The following KIF13B variants were observed in gnomAD, a reference collection of about 807,000 sequenced individuals.
KIF13B encodes the protein kinesin family member 13B, also known as kinesin-like protein KIF13B.
KIF13B carries 127 observed loss-of-function variants against 222.0 expected under a neutral mutation model. That is an observed-to-expected ratio of 0.57 (90% CI 0.50 to 0.66). The LOEUF is 0.66. KIF13B is among the 30% of genes least tolerant of loss of function. The pLI, the probability that KIF13B is intolerant of heterozygous loss-of-function variation, is 0.00. For missense variants in KIF13B, 2,173 were observed against 2,379.0 expected, an observed-to-expected ratio of 0.91 and a Z score of 1.80; for synonymous variants, 976 against 919.0, an observed-to-expected ratio of 1.06 and a Z score of -1.12.
chr8:29,250,735 A>G (rs560031212), intron 1 of KIF13B, among the ~76,000 whole-genome samples: 3 of 152,358 alleles, frequency 2.0e-5, no homozygotes, highest in South Asian at 2.1e-4. Flanking sequence ...TCTAGGACAC[A>G]TGCCCAATCA....
At chr8:29,150,433 T>C (rs1563742998) in intron 14 of KIF13B, 50 bp from the exon 15 acceptor site, 4 of 874,286 alleles carry the variant, frequency 4.6e-6, no homozygotes, top group Non-Finnish European at 7.4e-6. Flanking sequence ...TATCATGTCT[T>C]CTGCTTTAAT....
At chr8:29,114,705 C>T (rs1053740822) in intron 31 of KIF13B, among the ~76,000 whole-genome samples, 4 of 152,124 alleles carry the variant, frequency 2.6e-5, no homozygotes, top group African/African-American at 4.8e-5. Context: ...CTTAAAAATA[C>T]TTCCACATCA....
chr8:29,071,785 GTCCCCC>G lies in KIF13B; in HGVS notation c.5047_5052del (p.Gly1683_Gly1684del). 1.3e-6 allele frequency: 2 copies of G among 1,547,900 alleles called. No individual in the cohort carries two copies. The highest frequency in any genetic ancestry group is 1.7e-6 in the Non-Finnish European group (2 of 1,146,430). On this transcript the variant is annotated inframe_deletion, in exon 39 of 40. Transcript: ENST00000524189. This position sits in a 1 kb window ranked among gnomAD's most constrained non-coding sequence, Gnocchi z 4.9. ...TCCTCGGAATCAGAGGCCAGGGCCT[GTCCCCC>G]GGCGCCCGGGGCCGGCGCATTCCCC...
At chr8:29,123,294 G>C in intron 28 of KIF13B, 72 bp downstream of exon 28, 2 of 1,563,044 alleles carry the variant, frequency 1.3e-6, no homozygotes, top group East Asian at 2.3e-5. Context: ...CGTAGCACAC[G>C]CAAAATTCAA....
At chr8:29,075,004 T>C (rs944382096) in intron 38 of KIF13B, among the ~76,000 whole-genome samples, 10 of 152,208 alleles carry the variant, frequency 6.6e-5, no homozygotes, top group African/African-American at 2.2e-4. Flanking sequence ...TTGTTCTGTT[T>C]ATAGAAATCT....
intron 1 of KIF13B, among the ~76,000 whole-genome samples, chr8:29,251,647 G>A (rs1027384857): frequency 3.9e-5 from 6 of 152,168 alleles, no homozygotes; most frequent in African/African-American, 1.4e-4. Context: ...AATGGAGATG[G>A]AGTTTCAGTT....
At chr8:29,217,384 C>T (rs897562686) in intron 2 of KIF13B, among the ~76,000 whole-genome samples, 1 of 152,204 alleles carries the variant, frequency 6.6e-6, no homozygotes, top group Non-Finnish European at 1.5e-5. Context: ...GAATCCCAGC[C>T]CCACCACTTA....
At chr8:29,136,380 A>G (rs1372322738) in intron 21 of KIF13B, among the ~76,000 whole-genome samples, 1 of 152,186 alleles carries the variant, frequency 6.6e-6, no homozygotes, top group Non-Finnish European at 1.5e-5. Context: ...GCAGTTCAAG[A>G]CCAGCCTGAC....
At chr8:29,096,709 T>C (rs1808548582) in intron 36 of KIF13B, among the ~76,000 whole-genome samples, 1 of 152,112 alleles carries the variant, frequency 6.6e-6, no homozygotes, top group Non-Finnish European at 1.5e-5. Context: ...TGACTTACAC[T>C]GTTGCATGGT....
intron 1 of KIF13B, among the ~76,000 whole-genome samples, chr8:29,262,089 C>T (rs1816699431): frequency 6.6e-6 from 1 of 152,124 alleles, no homozygotes; most frequent in African/African-American, 2.4e-5. Context: ...GTATATAAAG[C>T]GTTTTCAAAC....
intron 10 of KIF13B, among the ~76,000 whole-genome samples, chr8:29,170,233 T>A (rs976793537): frequency 5.3e-5 from 8 of 152,258 alleles, no homozygotes; most frequent in African/African-American, 1.9e-4. Flanking sequence ...AATTTACTTT[T>A]GGAAGTCAGA....
At chr8:29,130,732 T>C (rs954412773) in intron 23 of KIF13B, 67 bp from the exon 24 acceptor site, 3 of 1,430,032 alleles carry the variant, frequency 2.1e-6, no homozygotes, top group African/African-American at 1.4e-5. Flanking sequence ...CTTAGGGTCC[T>C]ACACACATAA....
At chr8:29,249,658 G>A (rs879295407) in intron 1 of KIF13B, among the ~76,000 whole-genome samples, 3 of 151,962 alleles carry the variant, frequency 2.0e-5, no homozygotes, top group Non-Finnish European at 4.4e-5. Flanking sequence ...TCCCTGTGCT[G>A]GCCAAAACTT....
chr8:29,191,018 A>G lies in KIF13B; in HGVS notation c.202T>C (p.Ser68Pro), dbSNP rs376813155. The G allele has an allele frequency of 1.2e-6, 2 of 1,613,128 alleles. No homozygotes were observed. The highest frequency in any genetic ancestry group is 1.7e-6 in the Non-Finnish European group (2 of 1,179,406). Residue 68 changes from serine to proline, a missense_variant, in exon 4 of 40, where the codon TCT becomes CCT. Physicochemically the swap from Ser to Pro is moderately conservative, Grantham distance 74 (BLOSUM62 -1). Around this residue, in one of 2 missense-constraint regions of KIF13B, gnomAD observed 1,480 missense variants for 1,722.8 expected, o/e 0.86. Transcript: ENST00000524189. ...TTACCTGCATACTTTTCTTTGACAG[A>G]TTCATCCATAGACCAGAAACAATGA... Reference protein sequence around the residue: ...YDHCFWSMDESVKEKYAGQDI... With the variant: ...YDHCFWSMDEPVKEKYAGQDI...
intron 2 of KIF13B, among the ~76,000 whole-genome samples, chr8:29,212,841 A>G (rs766133027): frequency 6.7e-6 from 1 of 149,468 alleles, no homozygotes; most frequent in Non-Finnish European, 1.5e-5. Flanking sequence ...CATACTAGAT[A>G]ACACACGTAC....
At chr8:29,193,218 T>C (rs1184178927) in intron 3 of KIF13B, among the ~76,000 whole-genome samples, 2 of 152,180 alleles carry the variant, frequency 1.3e-5, no homozygotes, top group Non-Finnish European at 2.9e-5. Flanking sequence ...GAAGACATCA[T>C]CCAGCTGCAG....
Position 29,140,131 on chromosome 8 carries a change from C to T in KIF13B, c.2545G>A (p.Ala849Thr), listed in dbSNP as rs754537721. Residue 849 changes from alanine to threonine, a missense_variant, in exon 21 of 40, where the codon GCA becomes ACA. Around this residue, in one of 2 missense-constraint regions of KIF13B, gnomAD observed 1,480 missense variants for 1,722.8 expected, o/e 0.86. Transcript: ENST00000524189. ...ACCTCTGCCACCTCATCGCCTCCTG[C>T]GATCCTCTCCCCAACATCACCACTG... ...RLSGDVGERI[A>T]GGDEVAEVSF... 5.0e-6 allele frequency: 8 copies of T among 1,613,404 alleles called. No individual in the cohort carries two copies. The East Asian group carries it at 1.1e-4, about 22-fold the overall frequency.
intron 2 of KIF13B, among the ~76,000 whole-genome samples, chr8:29,228,281 C>T (rs56187020): frequency 0.11 from 16,698 of 150,162 alleles, 998 homozygotes; most frequent in African/African-American, 0.14. Context: ...CTGGCTAACA[C>T]GGTGAAACCC....
At chr8:29,241,236 A>C (rs1386012664) in intron 2 of KIF13B, among the ~76,000 whole-genome samples, 1 of 152,232 alleles carries the variant, frequency 6.6e-6, no homozygotes. Context: ...TGTCCAGAAC[A>C]GGCAAATCTC....
Sources: gnomAD v4.1 joint callset for allele counts (sites outside exome capture counted in the v4.1 genomes callset) on GRCh38, gnomAD v4.1.1 for gene constraint, gnomAD v4.1.1 regional missense constraint, Gnocchi (gnomAD v3.1) non-coding constraint, MANE v1.5 for transcripts, NCBI Gene and HGNC (gene_info 2026-07-23, HGNC 2026-07-21) for gene names.